Variants in SEL1L3 observed in about 807,000 individuals in gnomAD.
SEL1L3 encodes SEL1L family member 3.
Under a neutral mutation model 142.8 loss-of-function variants are expected in SEL1L3, and 76 were observed. That is an observed-to-expected ratio of 0.53 (90% CI 0.44 to 0.64). SEL1L3 has a LOEUF of 0.64. Ranked by LOEUF, SEL1L3 falls within the 30% of genes least tolerant of loss-of-function variation. The pLI is 0.00. For synonymous variants in SEL1L3, 504 were observed against 519.6 expected (o/e 0.97, Z 0.41); for missense variants, 1,262 against 1,381.7 (o/e 0.91, Z 1.37).
intron 6 of SEL1L3, among the ~76,000 whole-genome samples, chr4:25,824,251 A>G (rs918225002): frequency 6.6e-6 from 1 of 152,126 alleles, no homozygotes; most frequent in African/African-American, 2.4e-5. Context: ...ATACAAAGCA[A>G]CACTTCTGCA....
At chr4:25,830,563 T>C (rs1203811944) in intron 5 of SEL1L3, among the ~76,000 whole-genome samples, 1 of 152,226 alleles carries the variant, frequency 6.6e-6, no homozygotes, top group African/African-American at 2.4e-5. Context: ...TTGTATGTTC[T>C]TCACACACTG....
At chr4:25,744,240 C>T (rs1171445401), downstream of SEL1L3, among the ~76,000 whole-genome samples, 2 of 151,828 alleles carry the variant, frequency 1.3e-5, no homozygotes, top group African/African-American at 2.4e-5. Context: ...ACCAAATTCT[C>T]AGACTGAAGT....
intron 9 of SEL1L3, among the ~76,000 whole-genome samples, chr4:25,815,140 C>T (rs1335094892): frequency 2.6e-5 from 4 of 152,152 alleles, no homozygotes; most frequent in African/African-American, 7.2e-5. Flanking sequence ...CTGTGGTGGC[C>T]GGGGAGGCTG....
chr4:25,840,976 G>T (rs1716130774), intron 2 of SEL1L3, among the ~76,000 whole-genome samples: 1 of 151,316 alleles, frequency 6.6e-6, no homozygotes, highest in Non-Finnish European at 1.5e-5. Context: ...CACAGCTTAT[G>T]CCTTCCCCTC....
chr4:25,757,695 G>A lies in SEL1L3; in HGVS notation c.3179C>T (p.Ser1060Leu). The A allele has an allele frequency of 1.9e-6, 3 of 1,589,786 alleles. No individual in the cohort carries two copies. The highest frequency in any genetic ancestry group is 2.6e-6 in the Non-Finnish European group (3 of 1,168,388). Reference protein sequence around the residue: ...LRLLWGAILHSALIYFLGTFL... With the variant: ...LRLLWGAILHLALIYFLGTFL... ...GTGGGACATGAAACCTACCAGGGCT[G>A]AGTGCAGGATAGCACCCCAGAGAAG... The change falls in exon 22 of 24, where the codon TCA becomes TTA. Residue 1060 changes from serine (S) to leucine (L), a missense_variant. By Grantham distance (145) the Ser-to-Leu change is moderately radical. Around this residue, in one of 3 missense-constraint regions of SEL1L3, gnomAD observed 138 missense variants for 129.7 expected, o/e 1.06. Coordinates refer to ENST00000399878, the MANE Select transcript of SEL1L3 (RefSeq NM_015187.5).
chr4:25,843,796 G>A (rs35198951), intron 2 of SEL1L3, among the ~76,000 whole-genome samples: 2,316 of 152,292 alleles, frequency 0.015, 49 homozygotes, highest in African/African-American at 0.051. Flanking sequence ...CGTCTGCTGC[G>A]TCTCCACCAA....
rs147305973 is a variant in SEL1L3 at position 25,824,661 on chromosome 4, G to A, written c.1158-2533C>T. Among the ~76,000 whole-genome samples, 362 of 152,298 alleles carry A rather than the reference G, an allele frequency of 2.4e-3. 1 individual carries two copies. The highest frequency in any genetic ancestry group is 0.02 in the Middle Eastern group (6 of 294). On this transcript the variant is annotated intron_variant, in intron 6 of 23. Transcript: ENST00000399878. ...CAGTTAATGTTGGCCTGGTGCAGTGGCTCATGCCTATAATCTCAGCACTTT... is the reference window on the plus strand; with the variant it reads ...CAGTTAATGTTGGCCTGGTGCAGTGACTCATGCCTATAATCTCAGCACTTT...
At chr4:25,829,184 G>C (rs748883217) in intron 6 of SEL1L3, among the ~76,000 whole-genome samples, 4 of 152,160 alleles carry the variant, frequency 2.6e-5, no homozygotes, top group Admixed American at 6.5e-5. Context: ...TGTTGCCCAG[G>C]CTGGTCTCAA....
chr4:25,844,191 C>T (rs1238702652), intron 2 of SEL1L3, among the ~76,000 whole-genome samples: 1 of 152,148 alleles, frequency 6.6e-6, no homozygotes, highest in Non-Finnish European at 1.5e-5. Flanking sequence ...CATCAAGAAG[C>T]CCCTGCTAAG....
downstream of SEL1L3, among the ~76,000 whole-genome samples, chr4:25,745,661 ATGC>A (rs1343803579): frequency 6.6e-6 from 1 of 152,208 alleles, no homozygotes; most frequent in African/African-American, 2.4e-5. Flanking sequence ...GAGGCCAGAG[ATGC>A]TGTTTAGCAT....
chr4:25,722,624 CTTT>C, the SEL1L3 span, among the ~76,000 whole-genome samples: 1 of 103,650 alleles, frequency 9.6e-6, no homozygotes. Flanking sequence ...CCAAAGGAGG[CTTT>C]TTTTTTTTTT....
At chr4:25,724,394 CTGTG>C in the SEL1L3 span, among the ~76,000 whole-genome samples, 19 of 151,838 alleles carry the variant, frequency 1.3e-4, no homozygotes, top group African/African-American at 3.6e-4. Context: ...ACACTCCAGT[CTGTG>C]TGACAGAGGG....
rs1714368674 is a variant in SEL1L3 at position 25,816,045 on chromosome 4, G to GTA, written c.1564+2091_1564+2092dup. ...GTGCTGATACTGTTCTAAGTATATTGTATATATATGAAATACTTATATAAT... is the reference window on the plus strand; with the variant it reads ...GTGCTGATACTGTTCTAAGTATATTGTATATATATATGAAATACTTATATAAT... On this transcript the variant is annotated intron_variant, in intron 9 of 23. Coordinates refer to ENST00000399878, the MANE Select transcript of SEL1L3 (RefSeq NM_015187.5). Among the ~76,000 whole-genome samples, 3 of 146,914 alleles carry GTA rather than the reference G, an allele frequency of 2.0e-5. No homozygotes were observed. In the South Asian group the frequency reaches 6.4e-4, roughly 31 times the overall value.
At chr4:25,734,898 A>G in the SEL1L3 span, among the ~76,000 whole-genome samples, 1 of 152,098 alleles carries the variant, frequency 6.6e-6, no homozygotes, top group East Asian at 1.9e-4. Flanking sequence ...AGGAATATTG[A>G]TCTGAGTTTG....
intron 11 of SEL1L3, 76 bp from the exon 12 acceptor site, chr4:25,790,650 GGAAGGAAGGAAGGA>G: frequency 4.0e-5 from 2 of 49,502 alleles, no homozygotes; most frequent in Admixed American, 2.1e-4. Flanking sequence ...AAGGAAGGAA[GGAAGGAAGGAAGGA>G]AGGGAGGGAG....
Position 25,767,717 on chromosome 4 carries a change from CTGAGAAGAATACA to C in SEL1L3, c.2760+10_2760+22del, listed in dbSNP as rs1718852304. On this transcript the variant is annotated intron_variant, in intron 18 of 23. Coordinates refer to ENST00000399878, the MANE Select transcript of SEL1L3 (RefSeq NM_015187.5). Reference sequence around the variant, plus strand: ...TATCCTTAACCTCAGAGCTTCTACTCTGAGAAGAATACATTTACTTACTGGCCTCTCCTCACAG... The same window carrying C: ...TATCCTTAACCTCAGAGCTTCTACTCTTTACTTACTGGCCTCTCCTCACAG... 1.3e-6 allele frequency: 2 copies of C among 1,528,014 alleles called. No individual in the cohort carries two copies. The highest frequency in any genetic ancestry group is 1.9e-5 in the Admixed American group (1 of 53,356). 94.7% of individuals were successfully genotyped at this position (1,528,014 alleles called of 1,614,324 possible).
chr4:25,836,171 ATTC>A (rs1715803269), intron 2 of SEL1L3, among the ~76,000 whole-genome samples: 1 of 152,236 alleles, frequency 6.6e-6, no homozygotes, highest in African/African-American at 2.4e-5. Context: ...ACACGAAAGA[ATTC>A]TTCTCTATAG....
At chr4:25,835,430 T>C (rs892362433) in intron 2 of SEL1L3, 107 bp from the exon 3 acceptor site, 15 of 1,199,184 alleles carry the variant, frequency 1.3e-5, no homozygotes, top group Middle Eastern at 2.0e-4. Context: ...AACATTTAAG[T>C]GAGATACCCT....
intron 11 of SEL1L3, among the ~76,000 whole-genome samples, chr4:25,793,821 G>T (rs1348015969): frequency 6.6e-6 from 1 of 152,080 alleles, no homozygotes; most frequent in Non-Finnish European, 1.5e-5. Flanking sequence ...TCAAATCTAG[G>T]CTCCACTACT....
Sources: allele counts gnomAD v4.1 joint callset (sites outside exome capture counted in the v4.1 genomes callset), GRCh38; gene constraint gnomAD v4.1.1; regional missense constraint gnomAD v4.1.1; transcripts MANE v1.5; gene names NCBI Gene and HGNC (gene_info 2026-07-23, HGNC 2026-07-21).